The following FOXN3 variants were observed in gnomAD, a reference collection of about 807,000 sequenced individuals.
FOXN3 encodes the protein forkhead box protein N3.
A neutral mutation model predicts 38.4 loss-of-function variants in FOXN3; 7 were observed. The ratio of observed to expected loss-of-function variants is 0.18; its 90% confidence interval spans 0.10 to 0.34. The LOEUF (loss-of-function observed/expected upper bound fraction) is 0.34, where lower values mean the gene tolerates loss of function less well. Ranked by LOEUF, FOXN3 falls within the 10% of genes least tolerant of loss-of-function variation. FOXN3 has a pLI of 1.00. For synonymous variants in FOXN3, 230 were observed against 242.2 expected (o/e 0.95, Z 0.47); for missense variants, 456 against 613.4 (o/e 0.74, Z 2.71).
In FOXN3 at chr14:89,364,208, T is replaced by C. The variant is rs972676309; in HGVS notation, c.544-13400A>G. ...AAAGAATTTTTTTCTAGATACCTTA[T>C]TGTCTATTCCCATAACAAGATCGAC... is the stretch of plus-strand genomic sequence containing the variant. On this transcript the variant is annotated intron_variant, in intron 2 of 5. Transcript: ENST00000557258. 4.6e-5 allele frequency among the ~76,000 whole-genome samples: 7 copies of C among 151,226 alleles called. No homozygotes were observed. The South Asian group carries it at 8.3e-4, about 18-fold the overall frequency.
chr14:89,190,248 G>T, intron 4 of FOXN3: 2 of 615,988 alleles, frequency 3.2e-6, no homozygotes, highest in Non-Finnish European at 5.7e-6. Flanking sequence ...ATGTAATCAT[G>T]CACTTATGTA....
At chr14:89,582,245 C>T (rs1198152556) in intron 1 of FOXN3, among the ~76,000 whole-genome samples, 1 of 152,150 alleles carries the variant, frequency 6.6e-6, no homozygotes, top group African/African-American at 2.4e-5. Context: ...CGCTCCTCAT[C>T]TCTACCAGGT....
intron 4 of FOXN3, among the ~76,000 whole-genome samples, chr14:89,239,005 A>G (rs2139863949): frequency 6.6e-6 from 1 of 152,372 alleles, no homozygotes; most frequent in East Asian, 1.9e-4. Flanking sequence ...TTTAAAATGA[A>G]CAATTATATA....
rs183010510 is a variant in FOXN3, at chr14:89,181,555, C to T, written c.746-749G>A. Among the ~76,000 whole-genome samples, 3 of 152,304 alleles carry T rather than the reference C, an allele frequency of 2.0e-5. No individual in the cohort carries two copies. The East Asian group carries it at 5.8e-4, about 29-fold the overall frequency. ...CCCCTCCCCGGGGTATCCTCTCAAG[C>T]AAATCTCCTGAGAAGTCGCTCCTCA... On this transcript the variant is annotated intron_variant, in intron 4 of 5. Transcript: ENST00000557258.
At chr14:89,567,234 T>A (rs1895373256) in intron 1 of FOXN3, among the ~76,000 whole-genome samples, 1 of 152,200 alleles carries the variant, frequency 6.6e-6, no homozygotes, top group South Asian at 2.1e-4. Flanking sequence ...TTTCCTTGCT[T>A]TAGAGTCAAG....
intron 4 of FOXN3, among the ~76,000 whole-genome samples, chr14:89,205,980 C>T (rs979739637): frequency 5.3e-5 from 8 of 152,218 alleles, no homozygotes; most frequent in African/African-American, 1.7e-4. Flanking sequence ...ATAAAAGAGG[C>T]CCTAGAGAGC....
Position 89,279,303 on chromosome 14 carries a change from A to C in FOXN3, c.745+1647T>G, listed in dbSNP as rs574458972. On this transcript the variant is annotated intron_variant, in intron 4 of 5. Transcript: ENST00000557258. ...CCTATCAGGAAGAGAAAAGAAGTCTACACCCGCAGGATAATCTCATACTGA... is the reference window on the plus strand; with the variant it reads ...CCTATCAGGAAGAGAAAAGAAGTCTCCACCCGCAGGATAATCTCATACTGA... Among the ~76,000 whole-genome samples the C allele has an allele frequency of 2.6e-5, 4 of 152,362 alleles. No homozygotes were observed. The South Asian group carries it at 8.3e-4, about 32-fold the overall frequency.
At chr14:89,210,915 C>G (rs1884070381) in intron 4 of FOXN3, among the ~76,000 whole-genome samples, 1 of 152,184 alleles carries the variant, frequency 6.6e-6, no homozygotes. Context: ...AGAAACTATA[C>G]AGTTTGGACT....
intron 1 of FOXN3, among the ~76,000 whole-genome samples, chr14:89,528,470 C>CACCGCA (rs1894482027): frequency 7.3e-6 from 1 of 137,834 alleles, no homozygotes; most frequent in African/African-American, 2.7e-5. Context: ...GATCTTGGCT[C>CACCGCA]ACCGCAACCT....
At chr14:89,197,376 G>A (rs1418760073) in intron 4 of FOXN3, among the ~76,000 whole-genome samples, 1 of 152,054 alleles carries the variant, frequency 6.6e-6, no homozygotes, top group South Asian at 2.1e-4. Context: ...ATGTGGTGGT[G>A]CACACCTGTA....
chr14:89,615,116 A>ATTT (rs374606775), intron 1 of FOXN3, among the ~76,000 whole-genome samples: 68,778 of 106,682 alleles, frequency 0.64, 24,298 homozygotes, highest in East Asian at 0.91. Flanking sequence ...CCCAATTTCG[A>ATTT]TTTTTTTTTT....
Position 89,260,772 on chromosome 14 carries a change from G to A in FOXN3, c.745+20178C>T, listed in dbSNP as rs577016810. The stretch of plus-strand genomic sequence containing the variant: ...CTCTGCCATTTGTATGTTTGCATGC[G>A]CTGCTCAGATTTTTAAAGATCTTAA... On this transcript the variant is annotated intron_variant, in intron 4 of 5. Coordinates refer to ENST00000557258, the MANE Select transcript of FOXN3 (RefSeq NM_005197.4). Among the ~76,000 whole-genome samples the A allele has an allele frequency of 6.6e-5, 10 of 152,286 alleles. No individual in the cohort carries two copies. The East Asian group carries it at 1.5e-3, about 23-fold the overall frequency.
chr14:89,432,960 C>A (rs540984682), intron 1 of FOXN3, among the ~76,000 whole-genome samples: 3 of 152,126 alleles, frequency 2.0e-5, no homozygotes, highest in African/African-American at 4.8e-5. Context: ...GGATTACAGG[C>A]GTGAGCCAAC....
At chr14:89,556,812 C>G (rs1895137600) in intron 1 of FOXN3, among the ~76,000 whole-genome samples, 1 of 152,140 alleles carries the variant, frequency 6.6e-6, no homozygotes. Context: ...CAGAGAAGGG[C>G]TGTGGAATGG....
At chr14:89,418,510 G>T (rs1183459135), upstream of FOXN3, among the ~76,000 whole-genome samples, 2 of 143,606 alleles carry the variant, frequency 1.4e-5, no homozygotes, top group African/African-American at 5.2e-5. Context: ...ACTCACCGGA[G>T]ACCTTACTAC....
At chr14:89,214,728 G>A (rs1487464706) in intron 4 of FOXN3, among the ~76,000 whole-genome samples, 2 of 152,224 alleles carry the variant, frequency 1.3e-5, no homozygotes, top group African/African-American at 4.8e-5. Flanking sequence ...CATATTTTCT[G>A]CACTTTGTCA....
intron 1 of FOXN3, among the ~76,000 whole-genome samples, chr14:89,490,619 T>G (rs970545208): frequency 3.3e-5 from 5 of 152,212 alleles, no homozygotes; most frequent in African/African-American, 1.2e-4. Context: ...CTAGTGAGTC[T>G]ATGAATATGA....
At chr14:89,418,831 G>A (rs1056688386), upstream of FOXN3, among the ~76,000 whole-genome samples, 1 of 152,092 alleles carries the variant, frequency 6.6e-6, no homozygotes, top group Non-Finnish European at 1.5e-5. Flanking sequence ...CTTATTCTCC[G>A]CCAGAGGAAC....
intron 3 of FOXN3, among the ~76,000 whole-genome samples, chr14:89,331,688 T>C (rs1313329101): frequency 2.6e-5 from 4 of 152,230 alleles, no homozygotes; most frequent in Non-Finnish European, 5.9e-5. Context: ...CCATTTATAG[T>C]AACAAATAGG....
Sources: gnomAD v4.1 joint callset for allele counts (sites outside exome capture counted in the v4.1 genomes callset) on GRCh38, gnomAD v4.1.1 for gene constraint, MANE v1.5 for transcripts, NCBI Gene and HGNC (gene_info 2026-07-23, HGNC 2026-07-21) for gene names.